Variants in SYT6 observed in about 807,000 individuals in gnomAD.
SYT6 encodes synaptotagmin-6.
Under a neutral mutation model 38.4 loss-of-function variants are expected in SYT6, and 24 were observed. The observed-to-expected ratio is 0.62, with a 90% confidence interval of 0.45 to 0.88. SYT6 has a LOEUF of 0.88. Among genes scored for constraint, SYT6 ranks in the 40% least tolerant of loss-of-function variants. The pLI is 0.00. For synonymous variants in SYT6, 265 were observed against 241.9 expected (o/e 1.10, Z -0.89); for missense variants, 611 against 621.0 (o/e 0.98, Z 0.17).
At chr1:114,095,428 C>G (rs1675573706) in intron 6 of SYT6, among the ~76,000 whole-genome samples, 1 of 152,208 alleles carries the variant, frequency 6.6e-6, no homozygotes, top group Admixed American at 6.5e-5. Context: ...ACACCCCACC[C>G]CCAGCTGTAG....
At chr1:114,123,810 A>G (rs1308954366) in intron 3 of SYT6, among the ~76,000 whole-genome samples, 1 of 152,200 alleles carries the variant, frequency 6.6e-6, no homozygotes, top group Non-Finnish European at 1.5e-5. Context: ...AAAGCAAACA[A>G]CACTGCCTCA....
chr1:114,094,833 T>A (rs574009858), intron 6 of SYT6, among the ~76,000 whole-genome samples: 87 of 152,286 alleles, frequency 5.7e-4, no homozygotes, highest in African/African-American at 2.1e-3. Context: ...TTGCTCAATA[T>A]CCAGAACGGG....
chr1:114,124,336 G>T (rs1677598760), intron 3 of SYT6, among the ~76,000 whole-genome samples: 1 of 152,194 alleles, frequency 6.6e-6, no homozygotes, highest in Non-Finnish European at 1.5e-5. Context: ...TTAAATGTGA[G>T]AAGATGGGGC....
Position 114,089,449 on chromosome 1 carries a change from G to A in SYT6, c.*2685C>T, listed in dbSNP as rs17533023. 26,609 of 152,466 alleles carry A rather than the reference G, an allele frequency of 0.17. 2,817 individuals carry two copies. Among genetic ancestry groups the A allele is most frequent in the Non-Finnish European group, 0.25 (17,030 of 67,976 alleles). The allele number at this position is 152,466 out of a possible 1,614,324, so 9.4% of individuals were successfully genotyped here. On this transcript the variant is annotated 3_prime_UTR_variant, in exon 8 of 8. Coordinates refer to ENST00000610222, the MANE Select transcript of SYT6 (RefSeq NM_001253772.2). Reference sequence around the variant, plus strand: ...GGGGGAGGAGGGCGTCTTTCAGCCCGGAAACACTGCTAAATAAAGGAGAAG... The same window carrying A: ...GGGGGAGGAGGGCGTCTTTCAGCCCAGAAACACTGCTAAATAAAGGAGAAG...
intron 3 of SYT6, among the ~76,000 whole-genome samples, chr1:114,123,768 C>G (rs939716956): frequency 3.9e-4 from 60 of 152,342 alleles, no homozygotes; most frequent in Non-Finnish European, 6.8e-4. Context: ...TCTTCAAATA[C>G]TAAGGGTGAG....
At position 114,137,843 on chromosome 1, in the gene SYT6, G is replaced by A. The variant is rs770096708; in HGVS notation, c.723C>T (p.Tyr241=). The A allele has an allele frequency of 4.3e-6, 7 of 1,613,938 alleles. No homozygotes were observed. The Admixed American group carries it at 6.7e-5, about 15-fold the overall frequency. Residue 241 remains tyrosine, a synonymous_variant, in exon 3 of 8, where the codon TAC becomes TAT. Coordinates refer to ENST00000610222, the MANE Select transcript of SYT6 (RefSeq NM_001253772.2). ...GKINFSLRYD[Y]ETETLIVRIL... ...TACGCACAATCAGGGTCTCGGTCTC[G>A]TAATCGTAGCGTAGGCTGAAGTTGA...
chr1:114,122,506 T>TGCGCGCGC (rs149451162), intron 3 of SYT6, among the ~76,000 whole-genome samples: 3 of 147,288 alleles, frequency 2.0e-5, no homozygotes, highest in Non-Finnish European at 3.0e-5. Flanking sequence ...TGTGTGTGTG[T>TGCGCGCGC]GCGCGCACAT....
chr1:114,093,712 T>C (rs941553972), intron 7 of SYT6, 23 bp downstream of exon 7: 15 of 1,609,162 alleles, frequency 9.3e-6, no homozygotes, highest in Non-Finnish European at 1.3e-5. Context: ...CCTAACGTCT[T>C]TGGGTCCACA....
chr1:114,152,596 C>T (rs1679501830), intron 1 of SYT6: 2 of 152,242 alleles, frequency 1.3e-5, no homozygotes, highest in South Asian at 2.1e-4. Flanking sequence ...AGCGTGGCTG[C>T]CGGGCACTGG....
At chr1:114,144,117 AC>A (rs1679034886) in intron 1 of SYT6, among the ~76,000 whole-genome samples, 1 of 152,152 alleles carries the variant, frequency 6.6e-6, no homozygotes, top group Non-Finnish European at 1.5e-5. Flanking sequence ...CATCATCGTC[AC>A]CCCAGACTTC....
intron 1 of SYT6, among the ~76,000 whole-genome samples, chr1:114,140,552 A>G (rs948847445): frequency 6.6e-6 from 1 of 152,118 alleles, no homozygotes; most frequent in Non-Finnish European, 1.5e-5. Context: ...AGTGAATGAG[A>G]TTGAGCATAA....
chr1:114,128,863 T>G (rs60372005), intron 3 of SYT6, among the ~76,000 whole-genome samples: 3,047 of 152,292 alleles, frequency 0.02, 110 homozygotes, highest in African/African-American at 0.069. Context: ...TTTCCTCTTT[T>G]CTATCTAAAC....
At chr1:114,106,774 C>G (rs1406701260) in intron 3 of SYT6, among the ~76,000 whole-genome samples, 1 of 152,130 alleles carries the variant, frequency 6.6e-6, no homozygotes, top group African/African-American at 2.4e-5. Flanking sequence ...TCCCGAACAC[C>G]CCTGCAGGGC....
rs371136572 is a variant in SYT6, at chr1:114,112,620, A to G, written c.1072-8899T>C. Among the ~76,000 whole-genome samples, 15 of 152,340 alleles carry G rather than the reference A, an allele frequency of 9.8e-5. 1 individual carries two copies. The highest frequency in any genetic ancestry group is 7.7e-4 in the East Asian group (4 of 5,172). On this transcript the variant is annotated intron_variant, in intron 3 of 7. Coordinates refer to ENST00000610222, the MANE Select transcript of SYT6 (RefSeq NM_001253772.2). ...GAGAAATTTTAGAAGAGATGGCAGTAATGCCTGGTCAAGCCAGGAAGTCTG... is the reference window on the plus strand; with the variant it reads ...GAGAAATTTTAGAAGAGATGGCAGTGATGCCTGGTCAAGCCAGGAAGTCTG...
rs533165088 is a variant in SYT6 at position 114,114,289 on chromosome 1, C to T, written c.1072-10568G>A. Among the ~76,000 whole-genome samples, 114 of 152,348 alleles carry T rather than the reference C, an allele frequency of 7.5e-4. 1 individual carries two copies. The highest frequency in any genetic ancestry group is 2.6e-3 in the African/African-American group (109 of 41,574). On this transcript the variant is annotated intron_variant, in intron 3 of 7. Transcript: ENST00000610222. ...TCTGCCCCCTGGGTACTTCACTCGCCTCACCCTAATCTCAACCTCATATTT... is the reference window on the plus strand; with the variant it reads ...TCTGCCCCCTGGGTACTTCACTCGCTTCACCCTAATCTCAACCTCATATTT...
At chr1:114,138,411 GAGA>G (rs1678641322) in intron 2 of SYT6, among the ~76,000 whole-genome samples, 1 of 152,086 alleles carries the variant, frequency 6.6e-6, no homozygotes, top group African/African-American at 2.4e-5. Flanking sequence ...GATTCCTTAA[GAGA>G]AGGACCATCC....
In SYT6 at chr1:114,153,760, A is replaced by G. The variant is rs747391949; in HGVS notation, c.13T>C (p.Trp5Arg). The G allele has an allele frequency of 1.5e-6, 1 of 680,828 alleles. No homozygotes were observed. Among genetic ancestry groups the G allele is most frequent in the Non-Finnish European group, 2.7e-6 (1 of 376,050 alleles). 42.2% of individuals were successfully genotyped at this position (680,828 alleles called of 1,614,324 possible). The change falls in exon 1 of 8, where the codon TGG (tryptophan) becomes CGG (arginine). Residue 5 changes from tryptophan to arginine, a missense_variant. By Grantham distance (101) the Trp-to-Arg change is moderately radical. Coordinates refer to ENST00000610222, the MANE Select transcript of SYT6 (RefSeq NM_001253772.2). ...TGGCACCGAGGCCCGCCGGCCCCCCACACTCCGCTCATGCCCTAGACACCC... is the reference window on the plus strand; with the variant it reads ...TGGCACCGAGGCCCGCCGGCCCCCCGCACTCCGCTCATGCCCTAGACACCC... MSGV[W>R]GAGGPRCQEA...
intron 1 of SYT6, among the ~76,000 whole-genome samples, chr1:114,148,900 C>T (rs1019583746): frequency 6.6e-6 from 1 of 152,104 alleles, no homozygotes; most frequent in Admixed American, 6.5e-5. Flanking sequence ...AATCTGGGCT[C>T]TTGAATCACG....
rs754546344 is a variant in SYT6 at position 114,137,714 on chromosome 1, C to T, written c.852G>A (p.Arg284=). ...TGGGGTTCAGGGTCTTGCGGTGCACCCGGGTCTGCAGCTTGCATTTGCGGT... is the reference window on the plus strand; with the variant it reads ...TGGGGTTCAGGGTCTTGCGGTGCACTCGGGTCTGCAGCTTGCATTTGCGGT... ...LPDRKCKLQT[R]VHRKTLNPTF... Residue 284 remains arginine (R), a synonymous_variant, in exon 3 of 8, where the codon CGG becomes CGA. Coordinates refer to ENST00000610222, the MANE Select transcript of SYT6 (RefSeq NM_001253772.2). 6.2e-7 allele frequency: 1 copy of T among 1,613,824 alleles called. No individual in the cohort carries two copies. The highest frequency in any genetic ancestry group is 1.3e-5 in the African/African-American group (1 of 74,996).
Sources: gnomAD v4.1 joint callset for allele counts (sites outside exome capture counted in the v4.1 genomes callset) on GRCh38, gnomAD v4.1.1 for gene constraint, MANE v1.5 for transcripts, NCBI Gene and HGNC (gene_info 2026-07-23, HGNC 2026-07-21) for gene names.